Variants in MGAT4C observed in about 807,000 individuals in gnomAD.
MGAT4C encodes alpha-1,3-mannosyl-glycoprotein 4-beta-N-acetylglucosaminyltransferase C.
A neutral mutation model predicts 40.1 loss-of-function variants in MGAT4C; 19 were observed. The observed-to-expected ratio is 0.47, with a 90% CI of 0.33 to 0.70. MGAT4C has a LOEUF of 0.70. Ranked by LOEUF, MGAT4C falls within the 30% of genes least tolerant of loss-of-function variation. MGAT4C has a pLI of 0.02. For missense variants in MGAT4C, 491 were observed against 563.2 expected (o/e 0.87, Z 1.30); for synonymous variants, 181 against 187.1 (o/e 0.97, Z 0.27).
chr12:86,393,954 A>G (rs981795559), intron 3 of MGAT4C, among the ~76,000 whole-genome samples: 6 of 152,218 alleles, frequency 3.9e-5, no homozygotes, highest in African/African-American at 1.4e-4. Context: ...GTTCAGGCCA[A>G]TGACACATAA....
chr12:86,513,625 T>TG (rs913678307), intron 2 of MGAT4C, among the ~76,000 whole-genome samples: 6 of 152,042 alleles, frequency 3.9e-5, no homozygotes, highest in Admixed American at 3.9e-4. Flanking sequence ...AATGTCTGTA[T>TG]GGGAAAAAAA....
rs12321784 is a variant in MGAT4C at position 86,170,070 on chromosome 12, T to C, written c.-57+86169A>G. ...CAGTATATGATTTAGAATGGAAGAA[T>C]TGATTGGGAACTTTTTACTCCCAGA... On this transcript the variant is annotated intron_variant, in intron 1 of 4. Coordinates refer to ENST00000611864, the MANE Select transcript of MGAT4C (RefSeq NM_001351288.2). 6.5e-3 allele frequency among the ~76,000 whole-genome samples: 995 copies of C among 152,222 alleles called. 12 individuals carry two copies. The highest frequency in any genetic ancestry group is 0.023 in the African/African-American group (953 of 41,536).
At chr12:85,983,077 A>T (rs1270033914) in intron 4 of MGAT4C, among the ~76,000 whole-genome samples, 1 of 151,740 alleles carries the variant, frequency 6.6e-6, no homozygotes, top group East Asian at 1.9e-4. Context: ...GCTCTTTTTA[A>T]AAGCCAGTCA....
rs117170965 is a variant in MGAT4C at position 86,423,657 on chromosome 12, A to G, written c.-120+11500T>C. On this transcript the variant is annotated intron_variant, in intron 3 of 7. Coordinates refer to the MGAT4C transcript ENST00000548651. ...AATGATACTGGAAATGACTCATGGTAGAAAGAATTGAAAATGAAAACCAGA... is the reference window on the plus strand; with the variant it reads ...AATGATACTGGAAATGACTCATGGTGGAAAGAATTGAAAATGAAAACCAGA... 1.1e-3 allele frequency among the ~76,000 whole-genome samples: 167 copies of G among 152,294 alleles called. No homozygotes were observed. In the East Asian group the frequency reaches 0.03, roughly 28 times the overall value.
chr12:86,384,237 T>C (rs932889585), intron 3 of MGAT4C, among the ~76,000 whole-genome samples: 1 of 152,188 alleles, frequency 6.6e-6, no homozygotes, highest in Non-Finnish European at 1.5e-5. Flanking sequence ...ACTAATACAG[T>C]ACTCACATGC....
chr12:86,206,662 C>G (rs537857004), intron 1 of MGAT4C, among the ~76,000 whole-genome samples: 2 of 152,236 alleles, frequency 1.3e-5, no homozygotes, highest in South Asian at 4.1e-4. Flanking sequence ...CTCTCACACA[C>G]TCTTCTTCCC....
chr12:86,476,652 C>A (rs558204760), intron 2 of MGAT4C, among the ~76,000 whole-genome samples: 1 of 151,590 alleles, frequency 6.6e-6, no homozygotes, highest in Admixed American at 6.6e-5. Context: ...GAGCTATTCA[C>A]AATAATAAAG....
At chr12:86,720,534 G>A (rs1246944159) in intron 2 of MGAT4C, among the ~76,000 whole-genome samples, 2 of 151,994 alleles carry the variant, frequency 1.3e-5, no homozygotes, top group Non-Finnish European at 2.9e-5. Flanking sequence ...TATATCATCT[G>A]TTCATGATTC....
At chr12:86,042,921 G>T (rs1892017102) in intron 2 of MGAT4C, among the ~76,000 whole-genome samples, 1 of 151,052 alleles carries the variant, frequency 6.6e-6, no homozygotes, top group African/African-American at 2.4e-5. Context: ...ATATTTTCTG[G>T]CTTATAGGGT....
At chr12:86,067,816 T>C (rs1429474436) in intron 1 of MGAT4C, among the ~76,000 whole-genome samples, 2 of 152,190 alleles carry the variant, frequency 1.3e-5, no homozygotes, top group South Asian at 4.1e-4. Context: ...ATAAGGCATG[T>C]AGTAGATTAT....
intron 1 of MGAT4C, among the ~76,000 whole-genome samples, chr12:86,223,032 C>T (rs747788756): frequency 5.3e-5 from 8 of 152,146 alleles, no homozygotes; most frequent in South Asian, 2.1e-4. Flanking sequence ...AGGCATTGTT[C>T]GAGAGAGGGA....
chr12:86,127,203 G>A (rs1215179851), intron 1 of MGAT4C, among the ~76,000 whole-genome samples: 1 of 152,280 alleles, frequency 6.6e-6, no homozygotes, highest in East Asian at 1.9e-4. Context: ...GCTATATGGT[G>A]TAGCCTATTG....
chr12:86,397,447 C>T (rs564071017), intron 3 of MGAT4C, among the ~76,000 whole-genome samples: 1 of 152,108 alleles, frequency 6.6e-6, no homozygotes, highest in East Asian at 1.9e-4. Context: ...CATATCCACA[C>T]CTTTCTTAGA....
chr12:86,476,377 C>T (rs1957835648), intron 2 of MGAT4C, among the ~76,000 whole-genome samples: 1 of 151,908 alleles, frequency 6.6e-6, no homozygotes, highest in African/African-American at 2.4e-5. Flanking sequence ...AAATCAAAAC[C>T]ACAATGAAAT....
chr12:86,774,342 T>C (rs1389828224), intron 1 of MGAT4C, among the ~76,000 whole-genome samples: 1 of 88,212 alleles, frequency 1.1e-5, no homozygotes, highest in Non-Finnish European at 2.5e-5. Flanking sequence ...TTTCTTTCTG[T>C]CTCTCTCTCT....
chr12:86,501,591 A>G (rs1565807539), intron 2 of MGAT4C, among the ~76,000 whole-genome samples: 1 of 148,980 alleles, frequency 6.7e-6, no homozygotes, highest in East Asian at 2.0e-4. Context: ...GAGAACATGC[A>G]GTGCTTGGTT....
At chr12:86,211,644 C>G (rs1023817125) in intron 1 of MGAT4C, among the ~76,000 whole-genome samples, 1 of 151,848 alleles carries the variant, frequency 6.6e-6, no homozygotes, top group Admixed American at 6.6e-5. Context: ...ACATAGATTA[C>G]AGCTATTTCC....
At chr12:86,785,472 C>G (rs528636770) in intron 1 of MGAT4C, among the ~76,000 whole-genome samples, 1 of 151,840 alleles carries the variant, frequency 6.6e-6, no homozygotes, top group Non-Finnish European at 1.5e-5. Flanking sequence ...AAGTGAAATG[C>G]CATGCAGAAA....
At position 86,396,315 on chromosome 12, in the gene MGAT4C, G is replaced by A. The variant is rs548358574; in HGVS notation, c.-120+38842C>T. ...AAAAGCATTCCAGGTGATTCTCATTGCCCAATGTGAGAACCTTAAAAAATA... is the reference window on the plus strand; with the variant it reads ...AAAAGCATTCCAGGTGATTCTCATTACCCAATGTGAGAACCTTAAAAAATA... On this transcript the variant is annotated intron_variant, in intron 3 of 7. Coordinates refer to the MGAT4C transcript ENST00000548651. Among the ~76,000 whole-genome samples the A allele has an allele frequency of 1.1e-4, 16 of 152,074 alleles. No homozygotes were observed. In the East Asian group the frequency reaches 2.9e-3, roughly 28 times the overall value.
Sources: gnomAD v4.1 joint callset for allele counts (sites outside exome capture counted in the v4.1 genomes callset) on GRCh38, gnomAD v4.1.1 for gene constraint, MANE v1.5 for transcripts, NCBI Gene and HGNC (gene_info 2026-07-23, HGNC 2026-07-21) for gene names.